Variants in AKR1B15 observed in about 807,000 individuals in gnomAD.
AKR1B15 encodes aldo-keto reductase family 1 member B15, also known as estradiol 17-beta-dehydrogenase AKR1B15.
In AKR1B15, 49 loss-of-function variants were observed where a neutral mutation model predicts 38.5. The observed-to-expected ratio is 1.27, with a 90% CI of 1.01 to 1.62. The LOEUF is 1.62. Among genes scored for constraint, AKR1B15 ranks in the 40% most tolerant of loss-of-function variants. The pLI is 0.00. For missense variants in AKR1B15, 411 were observed against 381.6 expected (o/e 1.08, Z -0.64); for synonymous variants, 137 against 135.5 (o/e 1.01, Z -0.08).
At chr7:134,566,564 G>A (rs566979043) in intron 3 of AKR1B15, among the ~76,000 whole-genome samples, 1 of 152,170 alleles carries the variant, frequency 6.6e-6, no homozygotes, top group Non-Finnish European at 1.5e-5. Flanking sequence ...TTCCATCACT[G>A]CCTCCCTCTG....
At chr7:134,564,132 C>T (rs916418321) in intron 2 of AKR1B15, among the ~76,000 whole-genome samples, 5 of 152,178 alleles carry the variant, frequency 3.3e-5, no homozygotes, top group Admixed American at 6.5e-5. Context: ...CAGCTAATAC[C>T]CCTGCTTATA....
chr7:134,563,029 C>T (rs978266543), intron 2 of AKR1B15, among the ~76,000 whole-genome samples: 4 of 151,816 alleles, frequency 2.6e-5, no homozygotes, highest in African/African-American at 9.7e-5. Flanking sequence ...TTCTTTCCTT[C>T]CTTTCTCTCT....
At chr7:134,565,532 C>T (rs529359511) in intron 3 of AKR1B15, 3 of 1,613,822 alleles carry the variant, frequency 1.9e-6, no homozygotes, top group African/African-American at 1.3e-5. Context: ...CATTGTGGGC[C>T]TGGGCACTTG....
intron 1 of AKR1B15, 133 bp downstream of exon 1, chr7:134,549,382 G>GTCTC (rs569191307): frequency 6.6e-6 from 1 of 151,578 alleles, no homozygotes; most frequent in African/African-American, 2.4e-5. Context: ...GTTAAGTCTA[G>GTCTC]TCTCTCTCTC....
At chr7:134,574,386 G>T (rs1794721225) in intron 6 of AKR1B15, among the ~76,000 whole-genome samples, 1 of 151,922 alleles carries the variant, frequency 6.6e-6, no homozygotes, top group Non-Finnish European at 1.5e-5. Flanking sequence ...TTGTTTGTTT[G>T]TTTTTTGAGG....
At chr7:134,568,666 G>A (rs1306685257) in intron 4 of AKR1B15, among the ~76,000 whole-genome samples, 1 of 152,142 alleles carries the variant, frequency 6.6e-6, no homozygotes, top group Non-Finnish European at 1.5e-5. Context: ...TCTCAGCACT[G>A]TGGTCTCAGC....
intron 11 of AKR1B15, among the ~76,000 whole-genome samples, chr7:134,578,636 G>A (rs919655026): frequency 6.6e-6 from 1 of 152,226 alleles, no homozygotes; most frequent in African/African-American, 2.4e-5. Flanking sequence ...TTACTGCGAG[G>A]TCTGCAATTC....
intron 5 of AKR1B15, among the ~76,000 whole-genome samples, chr7:134,571,216 G>A (rs1000525326): frequency 1.3e-5 from 2 of 152,176 alleles, no homozygotes; most frequent in Admixed American, 6.5e-5. Flanking sequence ...AGGCTGCAAG[G>A]ATAGAAGTTG....
intron 6 of AKR1B15, among the ~76,000 whole-genome samples, chr7:134,572,631 GAAAA>G (rs367742933): frequency 8.0e-6 from 1 of 125,672 alleles, no homozygotes; most frequent in African/African-American, 2.9e-5. Context: ...CCATCTTGAA[GAAAA>G]AAAAAAAAAA....
At chr7:134,570,541 C>A (rs913793920) in intron 5 of AKR1B15, 3 of 152,140 alleles carry the variant, frequency 2.0e-5, no homozygotes, top group East Asian at 1.9e-4. Flanking sequence ...TTAAAAATTT[C>A]TCTCTTTGTA....
At chr7:134,564,360 T>C (rs1398362643) in intron 2 of AKR1B15, among the ~76,000 whole-genome samples, 9 of 152,202 alleles carry the variant, frequency 5.9e-5, no homozygotes, top group Admixed American at 5.2e-4. Flanking sequence ...GGGCTCTGCA[T>C]CTTTTTAGGG....
At chr7:134,572,639 AAAAAAAG>A (rs934722748) in intron 6 of AKR1B15, among the ~76,000 whole-genome samples, 17 of 146,480 alleles carry the variant, frequency 1.2e-4, no homozygotes, top group African/African-American at 4.4e-4. Flanking sequence ...AAGAAAAAAA[AAAAAAAG>A]AAAAAAGAAA....
chr7:134,556,175 G>A (rs1278165346), intron 1 of AKR1B15, among the ~76,000 whole-genome samples: 1 of 152,172 alleles, frequency 6.6e-6, no homozygotes, highest in Non-Finnish European at 1.5e-5. Flanking sequence ...GTGACCCTAT[G>A]TTCCAAAAAC....
At chr7:134,565,355 CTG>C (rs1462391146) in intron 3 of AKR1B15, 1 of 1,472,156 alleles carries the variant, frequency 6.8e-7, no homozygotes, top group Non-Finnish European at 9.3e-7. Flanking sequence ...GTAACACACA[CTG>C]TGAAGGTCCA....
chr7:134,566,812 C>T (rs868318971), intron 3 of AKR1B15, among the ~76,000 whole-genome samples: 10 of 152,100 alleles, frequency 6.6e-5, no homozygotes, highest in Non-Finnish European at 1.0e-4. Context: ...TCTATCTGGG[C>T]GAACAGATCA....
At chr7:134,566,352 C>T (rs1441881116) in intron 3 of AKR1B15, among the ~76,000 whole-genome samples, 4 of 152,168 alleles carry the variant, frequency 2.6e-5, no homozygotes, top group Admixed American at 6.5e-5. Context: ...GGCTACCTAA[C>T]GGGCATCTGC....
At chr7:134,556,450 A>T (rs1794199310) in intron 1 of AKR1B15, among the ~76,000 whole-genome samples, 1 of 152,048 alleles carries the variant, frequency 6.6e-6, no homozygotes, top group African/African-American at 2.4e-5. Context: ...ACACTAGGAG[A>T]TGTGTCAGGG....
At chr7:134,571,121 G>C (rs972809631) in intron 5 of AKR1B15, among the ~76,000 whole-genome samples, 4 of 152,280 alleles carry the variant, frequency 2.6e-5, no homozygotes, top group South Asian at 4.2e-4. Context: ...CCTGAGGGGT[G>C]GGGGAGACAA....
chr7:134,574,585 G>T (rs1433615504), intron 6 of AKR1B15, among the ~76,000 whole-genome samples: 2 of 152,198 alleles, frequency 1.3e-5, no homozygotes, highest in Non-Finnish European at 2.9e-5. Flanking sequence ...CCCAGAAGAA[G>T]GAAGCACATT....
Sources: allele counts gnomAD v4.1 joint callset (sites outside exome capture counted in the v4.1 genomes callset), GRCh38; gene constraint gnomAD v4.1.1; transcripts MANE v1.5; gene names NCBI Gene and HGNC (gene_info 2026-07-23, HGNC 2026-07-21).